The following PSD3 variants were observed in gnomAD, a reference collection of about 807,000 sequenced individuals.
PSD3 encodes PH and SEC7 domain-containing protein 3.
In PSD3, 49 loss-of-function variants were observed where a neutral mutation model predicts 105.5. The observed-to-expected ratio is 0.46, with a 90% CI of 0.37 to 0.59. The LOEUF (loss-of-function observed/expected upper bound fraction) is 0.59. PSD3 is among the 20% of genes least tolerant of loss of function. The probability of loss-of-function intolerance (pLI) is 0.00; values close to 1 mark genes in which losing one functional copy is unlikely to be tolerated. For missense variants in PSD3, 1,561 were observed against 1,263.8 expected (o/e 1.24, Z -3.57); for synonymous variants, 557 against 457.8 (o/e 1.22, Z -2.77).
intron 2 of PSD3, among the ~76,000 whole-genome samples, chr8:18,880,700 G>T (rs1818048163): frequency 6.6e-6 from 1 of 152,118 alleles, no homozygotes; most frequent in South Asian, 2.1e-4. Context: ...CTTGAAACTT[G>T]TTAACACTTT....
rs1822926225 is a variant in PSD3 at position 18,947,278 on chromosome 8, GACC to G, written c.22-11139_22-11137del. Among the ~76,000 whole-genome samples, 4 of 152,206 alleles carry G rather than the reference GACC, an allele frequency of 2.6e-5. No homozygotes were observed. In the South Asian group the frequency reaches 8.3e-4, roughly 31 times the overall value. On this transcript the variant is annotated intron_variant, in intron 1 of 15. Transcript: ENST00000327040. Reference sequence around the variant, plus strand: ...AAACCAAAGGGCAAAGCAGGAAATGGACCACCAGCTTAGGGAGAAGACGTCGGC... The same window carrying G: ...AAACCAAAGGGCAAAGCAGGAAATGGACCAGCTTAGGGAGAAGACGTCGGC...
At chr8:18,628,336 T>C (rs540310458) in intron 11 of PSD3, among the ~76,000 whole-genome samples, 2 of 152,058 alleles carry the variant, frequency 1.3e-5, no homozygotes, top group East Asian at 3.9e-4. Flanking sequence ...GCATTCATAG[T>C]AGCAGAAAAA....
chr8:18,871,837 G>A lies in PSD3; in HGVS notation c.1027C>T (p.His343Tyr). 6.2e-7 allele frequency: 1 copy of A among 1,614,192 alleles called. No individual in the cohort carries two copies. Among genetic ancestry groups the A allele is most frequent in the Non-Finnish European group, 8.5e-7 (1 of 1,180,014 alleles). Residue 343 changes from histidine to tyrosine, a missense_variant, in exon 3 of 16, where the codon CAT (histidine) becomes TAT (tyrosine). Physicochemically the swap from His to Tyr is moderately conservative, Grantham distance 83. Coordinates refer to ENST00000327040, the MANE Select transcript of PSD3 (RefSeq NM_015310.4). ...CACAAACCAGCTGATGAGATGAGAT[G>A]GCGTGGCACTTTGGAAGACTCTTTG... is the stretch of plus-strand genomic sequence containing the variant. ...DSKESSKVPRHLISSAGLCNS... is the reference protein window; with the variant it reads ...DSKESSKVPRYLISSAGLCNS...
intron 2 of PSD3, among the ~76,000 whole-genome samples, chr8:18,914,002 A>G (rs943945521): frequency 6.6e-6 from 1 of 152,076 alleles, no homozygotes; most frequent in Non-Finnish European, 1.5e-5. Flanking sequence ...CTCCGGGCCC[A>G]TCAGAGTAAA....
rs541436846 is a variant in PSD3, at chr8:18,933,353, A to G, written c.130+2681T>C. 7.2e-5 allele frequency among the ~76,000 whole-genome samples: 11 copies of G among 151,938 alleles called. No homozygotes were observed. The East Asian group carries it at 1.4e-3, about 19-fold the overall frequency. On this transcript the variant is annotated intron_variant, in intron 2 of 15. Coordinates refer to ENST00000327040, the MANE Select transcript of PSD3 (RefSeq NM_015310.4). ...TATGTAGACATTTGGTATTATCTCTATATAGTTAAGGAAAAATCAGTTTTA... is the reference window on the plus strand; with the variant it reads ...TATGTAGACATTTGGTATTATCTCTGTATAGTTAAGGAAAAATCAGTTTTA...
chr8:18,726,445 T>C (rs757189877), intron 9 of PSD3, among the ~76,000 whole-genome samples: 11 of 152,236 alleles, frequency 7.2e-5, no homozygotes, highest in Non-Finnish European at 1.5e-4. Flanking sequence ...TATTTTAATA[T>C]CAACTGCTGT....
At chr8:19,031,192 C>A (rs1200566255) in intron 1 of PSD3, among the ~76,000 whole-genome samples, 1 of 152,166 alleles carries the variant, frequency 6.6e-6, no homozygotes, top group South Asian at 2.1e-4. Flanking sequence ...CATTCACCAA[C>A]ATATTTTGTC....
chr8:18,620,342 GTT>G (rs57785765), intron 11 of PSD3, among the ~76,000 whole-genome samples: 7 of 121,720 alleles, frequency 5.8e-5, no homozygotes, highest in African/African-American at 1.9e-4. Context: ...TTGGGTTTGT[GTT>G]TTTTTTTTTT....
chr8:18,924,855 G>A (rs555789974), intron 2 of PSD3: 2 of 152,280 alleles, frequency 1.3e-5, no homozygotes, highest in Admixed American at 6.5e-5. Flanking sequence ...AGACATAAAG[G>A]TAAGAGTTAC....
intron 9 of PSD3, among the ~76,000 whole-genome samples, chr8:18,688,185 G>C (rs1457573352): frequency 1.3e-5 from 2 of 152,166 alleles, no homozygotes; most frequent in Non-Finnish European, 2.9e-5. Flanking sequence ...CTGGACTCAA[G>C]TGATCCTCAT....
intron 1 of PSD3, among the ~76,000 whole-genome samples, chr8:19,036,164 G>A (rs1409696798): frequency 6.6e-6 from 1 of 152,182 alleles, no homozygotes; most frequent in African/African-American, 2.4e-5. Flanking sequence ...ATGCAGAGCT[G>A]AAGGAATTAA....
At position 18,831,646 on chromosome 8, in the gene PSD3, T is replaced by C. The variant is rs187642942; in HGVS notation, c.1635-26748A>G. Among the ~76,000 whole-genome samples the C allele has an allele frequency of 4.5e-3, 678 of 152,210 alleles. 6 individuals are homozygous for C. The highest frequency in any genetic ancestry group is 0.015 in the African/African-American group (634 of 41,524). On this transcript the variant is annotated intron_variant, in intron 4 of 15. Transcript: ENST00000327040. ...CTGAGGAAGGAGAATTGCTTGAACT[T>C]GGGAGGCGGAAGTTGCAGTAAGCTG...
At chr8:18,962,716 CT>C (rs1006421256) in intron 1 of PSD3, among the ~76,000 whole-genome samples, 1 of 152,140 alleles carries the variant, frequency 6.6e-6, no homozygotes, top group Non-Finnish European at 1.5e-5. Flanking sequence ...TGTTTTAAAT[CT>C]TTTTTCTTAA....
chr8:18,958,135 A>G (rs1220322676), intron 1 of PSD3, among the ~76,000 whole-genome samples: 3 of 152,206 alleles, frequency 2.0e-5, no homozygotes, highest in African/African-American at 7.2e-5. Context: ...ATACAAAAAT[A>G]TAATAAAATA....
At chr8:19,078,010 G>GAC (rs1829514066) in intron 1 of PSD3, among the ~76,000 whole-genome samples, 1 of 151,954 alleles carries the variant, frequency 6.6e-6, no homozygotes, top group Non-Finnish European at 1.5e-5. Flanking sequence ...GTATCCTATA[G>GAC]TCTATAAATC....
chr8:18,612,424 G>C (rs183061984), intron 11 of PSD3, among the ~76,000 whole-genome samples: 9 of 151,830 alleles, frequency 5.9e-5, no homozygotes, highest in South Asian at 2.1e-4. Flanking sequence ...CCAGACTGGA[G>C]AGCAGCGGCG....
rs1563453978 is a variant in PSD3, at chr8:18,949,279, T to TATATATA, written c.22-13138_22-13137insTATATAT. Among the ~76,000 whole-genome samples the TATATATA allele has an allele frequency of 2.6e-3, 199 of 77,986 alleles. 12 individuals are homozygous for TATATATA. The highest frequency in any genetic ancestry group is 5.0e-3 in the Non-Finnish European group (162 of 32,482). The allele number at this position is 77,986 out of a possible 152,430, so 51.2% of individuals were successfully genotyped here. ...TATATATATATATATATATATATAT[T>TATATATA]TATAGTTTTCTTCTCTTCCAAGGAG... On this transcript the variant is annotated intron_variant, in intron 1 of 15. Coordinates refer to ENST00000327040, the MANE Select transcript of PSD3 (RefSeq NM_015310.4).
intron 2 of PSD3, among the ~76,000 whole-genome samples, chr8:18,904,068 T>C (rs1819682454): frequency 6.6e-6 from 1 of 152,110 alleles, no homozygotes; most frequent in African/African-American, 2.4e-5. Context: ...TTCTGCAGGC[T>C]GTACAGGAAG....
rs5889846 is a variant in PSD3, at chr8:19,052,470, CAA to C, written c.324+31734_324+31735del. 2.5e-3 allele frequency among the ~76,000 whole-genome samples: 291 copies of C among 116,126 alleles called. 1 individual carries two copies. Among genetic ancestry groups the C allele is most frequent in the African/African-American group, 4.6e-3 (146 of 31,706 alleles). The allele number at this position is 116,126 out of a possible 152,430, so 76.2% of individuals were successfully genotyped here. ...CTGGTGACAGAGCGAGACTCTGTCTCAAAAAAAAAAAAAAAGAAAAAGAAAAA... is the reference window on the plus strand; with the variant it reads ...CTGGTGACAGAGCGAGACTCTGTCTCAAAAAAAAAAAAAGAAAAAGAAAAA... On this transcript the variant is annotated intron_variant, in intron 1 of 1. Transcript: ENST00000521475.
Sources: allele counts gnomAD v4.1 joint callset (sites outside exome capture counted in the v4.1 genomes callset), GRCh38; gene constraint gnomAD v4.1.1; transcripts MANE v1.5; gene names NCBI Gene and HGNC (gene_info 2026-07-23, HGNC 2026-07-21).